The following CACNG2 variants were observed in gnomAD, a reference collection of about 807,000 sequenced individuals.
CACNG2 encodes calcium voltage-gated channel auxiliary subunit gamma 2, also known as voltage-dependent calcium channel gamma-2 subunit.
CACNG2 carries 3 observed loss-of-function variants against 25.9 expected under a neutral mutation model. The ratio of observed to expected loss-of-function variants is 0.12; its 90% CI spans 0.05 to 0.30. CACNG2 has a LOEUF of 0.30. Among genes scored for constraint, CACNG2 ranks in the 10% least tolerant of loss-of-function variants. CACNG2 has a pLI of 1.00. For missense variants in CACNG2, 341 were observed against 432.5 expected (o/e 0.79, Z 1.88); for synonymous variants, 167 against 173.3 (o/e 0.96, Z 0.29).
chr22:36,654,110 G>A (rs949852801), intron 1 of CACNG2, among the ~76,000 whole-genome samples: 1 of 151,750 alleles, frequency 6.6e-6, no homozygotes, highest in Non-Finnish European at 1.5e-5. Context: ...CAACCACTGT[G>A]GACAAAATCC....
intron 1 of CACNG2, among the ~76,000 whole-genome samples, chr22:36,588,135 G>C (rs1378041333): frequency 6.6e-6 from 1 of 152,160 alleles, no homozygotes; most frequent in East Asian, 1.9e-4. Flanking sequence ...CTGGACTTTT[G>C]GGTTTTGAAC....
intron 1 of CACNG2, among the ~76,000 whole-genome samples, chr22:36,617,061 AG>A (rs1338063478): frequency 6.6e-6 from 1 of 152,040 alleles, no homozygotes; most frequent in East Asian, 1.9e-4. Context: ...GATGTAACCT[AG>A]TTTGGGTTTT....
chr22:36,637,071 T>G (rs1936367209), intron 1 of CACNG2, among the ~76,000 whole-genome samples: 1 of 152,250 alleles, frequency 6.6e-6, no homozygotes, highest in African/African-American at 2.4e-5. Flanking sequence ...CAGCAACATC[T>G]GCTGTGTGAG....
chr22:36,671,611 A>G (rs949096963), intron 1 of CACNG2, among the ~76,000 whole-genome samples: 2 of 152,228 alleles, frequency 1.3e-5, no homozygotes, highest in African/African-American at 4.8e-5. Context: ...TGAATCGCCA[A>G]CAAACAATTT....
intron 1 of CACNG2, among the ~76,000 whole-genome samples, chr22:36,631,927 C>T (rs916646349): frequency 2.0e-5 from 3 of 151,974 alleles, no homozygotes; most frequent in African/African-American, 7.3e-5. Context: ...ATGCTCATGC[C>T]CTTCTGAGAG....
intron 1 of CACNG2, among the ~76,000 whole-genome samples, chr22:36,675,004 A>C (rs1937002541): frequency 6.6e-6 from 1 of 152,204 alleles, no homozygotes; most frequent in South Asian, 2.1e-4. Flanking sequence ...GTGTTCAATA[A>C]ATCCTGCCTC....
chr22:36,565,846 A>C (rs759804244), intron 3 of CACNG2, among the ~76,000 whole-genome samples: 9 of 152,210 alleles, frequency 5.9e-5, no homozygotes, highest in Non-Finnish European at 1.3e-4. Flanking sequence ...TTTTTCTGGC[A>C]TCTGAAGTGA....
chr22:36,569,626 G>A (rs1935190568), intron 2 of CACNG2, among the ~76,000 whole-genome samples: 2 of 152,148 alleles, frequency 1.3e-5, no homozygotes, highest in South Asian at 4.1e-4. Context: ...TGCAACCTCC[G>A]TCTTCGGGGT....
intron 1 of CACNG2, among the ~76,000 whole-genome samples, chr22:36,644,800 T>A (rs531031522): frequency 6.6e-6 from 1 of 151,970 alleles, no homozygotes; most frequent in Admixed American, 6.5e-5. Flanking sequence ...ATAAGTGGTT[T>A]TTTTTGTTTG....
rs1935530087 is a variant in CACNG2, at chr22:36,587,897, GC to G, written c.212-350del. On this transcript the variant is annotated intron_variant, in intron 1 of 3. Transcript: ENST00000300105. ...TGAATGCTCCTCAGCCCGTCTCTGT[GC>G]CCCAGCATAGCTGGGAGTCATCCTG... 1.3e-5 allele frequency among the ~76,000 whole-genome samples: 2 copies of G among 152,210 alleles called. 1 individual carries two copies. The highest frequency in any genetic ancestry group is 4.1e-4 in the South Asian group (2 of 4,830).
intron 1 of CACNG2, among the ~76,000 whole-genome samples, chr22:36,698,928 T>C (rs1352009353): frequency 6.6e-6 from 1 of 152,160 alleles, no homozygotes; most frequent in Non-Finnish European, 1.5e-5. Context: ...AGTGAATTTC[T>C]TGCTGTCCCT....
intron 1 of CACNG2, among the ~76,000 whole-genome samples, chr22:36,697,406 T>C (rs4141440): frequency 0.88 from 133,409 of 152,194 alleles, 58,586 homozygotes; most frequent in Admixed American, 0.9. Flanking sequence ...CACCGTGGCT[T>C]GGGTCTACTG....
chr22:36,627,364 A>C (rs1274682562), intron 1 of CACNG2, among the ~76,000 whole-genome samples: 1 of 150,820 alleles, frequency 6.6e-6, no homozygotes, highest in Non-Finnish European at 1.5e-5. Flanking sequence ...TAGATACATA[A>C]TTAGGTGTTG....
intron 1 of CACNG2, among the ~76,000 whole-genome samples, chr22:36,679,843 G>T (rs570414319): frequency 1.3e-5 from 2 of 152,238 alleles, no homozygotes; most frequent in East Asian, 1.9e-4. Context: ...AGTAATACAC[G>T]TTAAAGGTTT....
chr22:36,685,584 C>T (rs935911081), intron 1 of CACNG2, among the ~76,000 whole-genome samples: 3 of 152,142 alleles, frequency 2.0e-5, no homozygotes, highest in Admixed American at 6.5e-5. Context: ...CCTCGGCTGC[C>T]GAGGCCCATC....
intron 1 of CACNG2, among the ~76,000 whole-genome samples, chr22:36,674,031 T>C (rs1245888316): frequency 6.6e-6 from 1 of 152,206 alleles, no homozygotes; most frequent in Non-Finnish European, 1.5e-5. Context: ...CCCTCCCGCA[T>C]GATCAAGTAA....
At position 36,671,196 on chromosome 22, in the gene CACNG2, C is replaced by T. The variant is rs1010996711; in HGVS notation, c.211+31170G>A. Reference sequence around the variant, plus strand: ...CCTCCCAAAGTGCTGGGATTACAGGCGTGAGCCACTGCACCCAGCCAATCT... The same window carrying T: ...CCTCCCAAAGTGCTGGGATTACAGGTGTGAGCCACTGCACCCAGCCAATCT... On this transcript the variant is annotated intron_variant, in intron 1 of 3. Coordinates refer to ENST00000300105, the MANE Select transcript of CACNG2 (RefSeq NM_006078.5). 4.6e-5 allele frequency among the ~76,000 whole-genome samples: 7 copies of T among 152,160 alleles called. No individual in the cohort carries two copies. The East Asian group carries it at 7.7e-4, about 17-fold the overall frequency.
chr22:36,678,926 T>C (rs1937050757), intron 1 of CACNG2, among the ~76,000 whole-genome samples: 1 of 152,166 alleles, frequency 6.6e-6, no homozygotes, highest in Admixed American at 6.5e-5. Context: ...ACGTGGTTTG[T>C]GTCATTGCTG....
intron 1 of CACNG2, among the ~76,000 whole-genome samples, chr22:36,618,108 G>A (rs1936049101): frequency 6.6e-6 from 1 of 152,174 alleles, no homozygotes; most frequent in African/African-American, 2.4e-5. Flanking sequence ...GTGGCTTCTG[G>A]ATGGCTTCCA....
Sources: gnomAD v4.1 joint callset for allele counts (sites outside exome capture counted in the v4.1 genomes callset) on GRCh38, gnomAD v4.1.1 for gene constraint, MANE v1.5 for transcripts, NCBI Gene and HGNC (gene_info 2026-07-23, HGNC 2026-07-21) for gene names.